STAB2: variants seen among roughly 807,000 people sequenced by gnomAD.
The protein encoded by STAB2 is stabilin 2.
A neutral mutation model predicts 338.1 loss-of-function variants in STAB2; 288 were observed. The ratio of observed to expected loss-of-function variants is 0.85; its 90% CI spans 0.77 to 0.94. The LOEUF (loss-of-function observed/expected upper bound fraction) is 0.94. Ranked by LOEUF, STAB2 falls within the 40% of genes least tolerant of loss-of-function variation. The pLI, the probability that STAB2 is intolerant of heterozygous loss-of-function variation, is 0.00. For synonymous variants in STAB2, 1,202 were observed against 1,193.3 expected (o/e 1.01, Z -0.15); for missense variants, 3,141 against 3,210.1 (o/e 0.98, Z 0.52).
chr12:103,685,519 G>T (rs766148440), intron 27 of STAB2, among the ~76,000 whole-genome samples: 1 of 151,928 alleles, frequency 6.6e-6, no homozygotes, highest in African/African-American at 2.4e-5. Flanking sequence ...TATGCCAGGC[G>T]TCTTGCTCAG....
chr12:103,627,001 A>G (rs979363082), intron 5 of STAB2, among the ~76,000 whole-genome samples: 18 of 152,204 alleles, frequency 1.2e-4, no homozygotes, highest in Admixed American at 5.9e-4. Flanking sequence ...AAGAGTCACT[A>G]GTATTTGCTG....
At position 103,766,298 on chromosome 12, in the gene STAB2, C is replaced by T. The variant is rs149173381; in HGVS notation, c.7618C>T (p.Arg2540Trp). The T allele has an allele frequency of 2.9e-4, 467 of 1,613,972 alleles. 1 individual carries two copies. Among genetic ancestry groups the T allele is most frequent in the East Asian group, 3.3e-4 (15 of 44,888 alleles). ...CTCTCTTTTCCAGGACTCTGAAGAACGGCAGCTTGAGGGCAATGACCCCTT... is the reference window on the plus strand; with the variant it reads ...CTCTCTTTTCCAGGACTCTGAAGAATGGCAGCTTGAGGGCAATGACCCCTT... ...SYDPFTDSEE[R>W]QLEGNDPLRT... The change falls in exon 69 of 69, where the codon CGG (arginine) becomes TGG (tryptophan). Residue 2540 changes from arginine to tryptophan, a missense_variant. Physicochemically the swap from Arg to Trp is moderately radical, Grantham distance 101. Transcript: ENST00000388887.
intron 30 of STAB2, among the ~76,000 whole-genome samples, chr12:103,691,962 A>G (rs1174833726): frequency 1.3e-5 from 2 of 152,236 alleles, no homozygotes; most frequent in Non-Finnish European, 2.9e-5. Flanking sequence ...TATGCAATTC[A>G]TAGCCTCAAA....
At chr12:103,666,883 C>T (rs939551304) in intron 19 of STAB2, among the ~76,000 whole-genome samples, 1 of 152,206 alleles carries the variant, frequency 6.6e-6, no homozygotes, top group South Asian at 2.1e-4. Context: ...ATATATCAGA[C>T]ATAGTGCTTG....
At chr12:103,742,145 C>T (rs191199338) in intron 55 of STAB2, among the ~76,000 whole-genome samples, 2 of 152,258 alleles carry the variant, frequency 1.3e-5, no homozygotes, top group East Asian at 3.9e-4. Flanking sequence ...CATTACTCAA[C>T]CCAGATATCC....
intron 68 of STAB2, 183 bp from the exon 69 acceptor site, chr12:103,766,103 T>C: frequency 1.3e-6 from 1 of 764,860 alleles, no homozygotes; most frequent in Non-Finnish European, 2.3e-6. Context: ...CTAAAACAGG[T>C]GGCCCTACCC....
intron 3 of STAB2, among the ~76,000 whole-genome samples, chr12:103,597,421 G>A (rs894314106): frequency 6.6e-6 from 1 of 152,098 alleles, no homozygotes; most frequent in Admixed American, 6.6e-5. Flanking sequence ...ACACTTCTGG[G>A]TTATTTCAAA....
chr12:103,699,111 C>A lies in STAB2; in HGVS notation c.3598C>A (p.Arg1200=). 1 of 1,609,218 alleles carries A rather than the reference C, an allele frequency of 6.2e-7. No individual in the cohort carries two copies. Among genetic ancestry groups the A allele is most frequent in the South Asian group, 1.1e-5 (1 of 90,686 alleles). ...TGTGATCCAGGAGGAGGACGTCCTC[C>A]GGTATCATGTGGTCCTGGAGGAGAA... is the stretch of plus-strand genomic sequence containing the variant. ...KVLSLEEDVL[R]YHVVLEEKLL... is the part of the protein sequence containing the mutation. Residue 1200 remains arginine (R), a synonymous_variant, in exon 34 of 69, where the codon CGG becomes AGG. Transcript: ENST00000388887.
chr12:103,746,610 G>A lies in STAB2; in HGVS notation c.6150G>A (p.Val2050=), dbSNP rs1162351862. Reference sequence around the variant, plus strand: ...CTTTCTTTGCAGTTTTGCCTGCAGTGTGTACGCCTCCTTGTTCTGCTCATG... The same window carrying A: ...CTTTCTTTGCAGTTTTGCCTGCAGTATGTACGCCTCCTTGTTCTGCTCATG... ...SCDTQAVLPA[V]CTPPCSAHAT... is the part of the protein sequence containing the mutation. Residue 2050 remains valine (V), a synonymous_variant, in exon 58 of 69, where the codon GTG becomes GTA. Coordinates refer to ENST00000388887, the MANE Select transcript of STAB2 (RefSeq NM_017564.10). 4 of 1,613,980 alleles carry A rather than the reference G, an allele frequency of 2.5e-6. No individual in the cohort carries two copies. The East Asian group carries it at 6.7e-5, about 27-fold the overall frequency.
intron 44 of STAB2, among the ~76,000 whole-genome samples, chr12:103,722,518 A>G (rs1042730986): frequency 1.3e-5 from 2 of 152,228 alleles, no homozygotes; most frequent in African/African-American, 4.8e-5. Context: ...AGACATTTGC[A>G]AGGATCTTCC....
intron 42 of STAB2, among the ~76,000 whole-genome samples, chr12:103,714,639 A>G (rs936964133): frequency 6.6e-6 from 1 of 150,508 alleles, no homozygotes; most frequent in Non-Finnish European, 1.5e-5. Context: ...GTGAGCTGAG[A>G]TTGTGCCACT....
In STAB2 at chr12:103,618,105, T is replaced by C. The variant is rs113636979; in HGVS notation, c.332-2363T>C. Among the ~76,000 whole-genome samples, 48 of 152,338 alleles carry C rather than the reference T, an allele frequency of 3.2e-4. 1 individual carries two copies. Among genetic ancestry groups the C allele is most frequent in the African/African-American group, 1.1e-3 (46 of 41,564 alleles). ...GCATTTCTTAGTGCTTAGAAGTCTCTTTCTTCAAGAACTGCTGCTATGGTC... is the reference window on the plus strand; with the variant it reads ...GCATTTCTTAGTGCTTAGAAGTCTCCTTCTTCAAGAACTGCTGCTATGGTC... On this transcript the variant is annotated intron_variant, in intron 3 of 68. Transcript: ENST00000388887.
chr12:103,726,027 G>C, intron 45 of STAB2, 89 bp from the exon 46 acceptor site: 1 of 1,434,088 alleles, frequency 7.0e-7, no homozygotes, highest in East Asian at 2.3e-5. Context: ...TCCAGCTGAA[G>C]GGATGGCAGA....
Position 103,685,422 on chromosome 12 carries a change from C to CTGTGTGTGTGTGTG in STAB2, c.2997+357_2997+370dup, listed in dbSNP as rs141365936. Among the ~76,000 whole-genome samples the CTGTGTGTGTGTGTG allele has an allele frequency of 3.2e-3, 463 of 145,874 alleles. 2 individuals are homozygous for CTGTGTGTGTGTGTG. The highest frequency in any genetic ancestry group is 0.013 in the Admixed American group (191 of 14,472). On this transcript the variant is annotated intron_variant, in intron 27 of 68. Transcript: ENST00000388887. ...CTGGGCTACCCTTTGCTTACCCATG[C>CTGTGTGTGTGTGTG]TGTGTGTGTGTGTGTGTGTGTGTGT...
At chr12:103,608,000 C>T (rs1425374883) in intron 3 of STAB2, among the ~76,000 whole-genome samples, 6 of 152,194 alleles carry the variant, frequency 3.9e-5, no homozygotes, top group Non-Finnish European at 8.8e-5. Context: ...TACAGTCCCA[C>T]CAACTGTGTA....
In STAB2 at chr12:103,766,277, CTT is replaced by C. The variant is rs372667733; in HGVS notation, c.7606-6_7606-5del. On this transcript the variant is annotated splice_region_variant and splice_polypyrimidine_tract_variant and intron_variant, in intron 68 of 68. Coordinates refer to ENST00000388887, the MANE Select transcript of STAB2 (RefSeq NM_017564.10). ...ATGCCCTGCCCCCTTACAACCCTCT[CTT>C]TTCCAGGACTCTGAAGAACGGCAGC... is the stretch of plus-strand genomic sequence containing the variant. 1,703 of 1,614,142 alleles carry C rather than the reference CTT, an allele frequency of 1.1e-3. 21 individuals carry two copies. In the African/African-American group the frequency reaches 0.019, roughly 18 times the overall value.
At chr12:103,739,113 C>G (rs1199100263) in intron 53 of STAB2, among the ~76,000 whole-genome samples, 1 of 151,534 alleles carries the variant, frequency 6.6e-6, no homozygotes, top group South Asian at 2.1e-4. Context: ...GTCGCTGGGA[C>G]TACAGGTTCA....
At chr12:103,756,631 C>T (rs914202320) in intron 63 of STAB2, among the ~76,000 whole-genome samples, 3 of 152,238 alleles carry the variant, frequency 2.0e-5, no homozygotes, top group African/African-American at 7.2e-5. Context: ...TGGTTCCAGC[C>T]TCCCCCTCAT....
intron 8 of STAB2, 102 bp from the exon 9 acceptor site, chr12:103,640,019 CTG>C: frequency 7.1e-7 from 1 of 1,400,952 alleles, no homozygotes; most frequent in Non-Finnish European, 9.6e-7. Flanking sequence ...CAGACATACT[CTG>C]AGTGAGTTTT....
Sources: gnomAD v4.1 joint callset for allele counts (sites outside exome capture counted in the v4.1 genomes callset) on GRCh38, gnomAD v4.1.1 for gene constraint, MANE v1.5 for transcripts, NCBI Gene and HGNC (gene_info 2026-07-23, HGNC 2026-07-21) for gene names.